Variants in TEX14 observed in about 807,000 individuals in gnomAD.
The protein encoded by TEX14 is inactive serine/threonine-protein kinase TEX14.
In TEX14, 168 loss-of-function variants were observed where a neutral mutation model predicts 178.6. The ratio of observed to expected loss-of-function variants is 0.94; its 90% CI spans 0.83 to 1.07. The LOEUF (loss-of-function observed/expected upper bound fraction) is 1.07, where lower values mean the gene tolerates loss of function less well. Among genes scored for constraint, TEX14 ranks in the 50% least tolerant of loss-of-function variants. The pLI, the probability that TEX14 is intolerant of heterozygous loss-of-function variation, is 0.00. For missense variants in TEX14, 1,730 were observed against 1,753.6 expected, an observed-to-expected ratio of 0.99 and a Z score of 0.24; for synonymous variants, 626 against 634.1, an observed-to-expected ratio of 0.99 and a Z score of 0.19.
chr17:58,663,287 C>T (rs1286456357), intron 1 of TEX14, among the ~76,000 whole-genome samples: 4 of 149,886 alleles, frequency 2.7e-5, no homozygotes, highest in African/African-American at 4.9e-5. Flanking sequence ...CCGGTTGTGG[C>T]GGTGCATGCC....
intron 28 of TEX14, among the ~76,000 whole-genome samples, chr17:58,563,668 G>A (rs1164945735): frequency 2.5e-4 from 6 of 24,018 alleles, no homozygotes; most frequent in Non-Finnish European, 4.3e-4. Flanking sequence ...TAGAGAGAGA[G>A]AGAGAGAGAG....
chr17:58,653,276 A>G (rs1364018297), intron 1 of TEX14, among the ~76,000 whole-genome samples: 1 of 152,182 alleles, frequency 6.6e-6, no homozygotes, highest in Admixed American at 6.5e-5. Flanking sequence ...AGTGCTTAGC[A>G]TAGTACCTGG....
intron 15 of TEX14, among the ~76,000 whole-genome samples, chr17:58,591,283 C>A (rs1258877057): frequency 6.6e-6 from 1 of 152,126 alleles, no homozygotes; most frequent in Non-Finnish European, 1.5e-5. Context: ...TTTGGGAGGC[C>A]AAGGTGGGTG....
intron 1 of TEX14, among the ~76,000 whole-genome samples, chr17:58,654,103 G>A (rs576758126): frequency 3.9e-5 from 6 of 152,182 alleles, no homozygotes; most frequent in East Asian, 3.9e-4. Context: ...GCGTGAACCC[G>A]GGAGGTGGAG....
chr17:58,670,771 T>TCAAAAAAAAAAAA lies in TEX14; in HGVS notation c.-1-18770_-1-18769insTTTTTTTTTTTTG, dbSNP rs1598432610. On this transcript the variant is annotated intron_variant, in intron 1 of 31. Coordinates refer to ENST00000349033, the MANE Select transcript of TEX14 (RefSeq NM_031272.5). ...CTGGGCGACAGAGTGAGACTCCCTC[T>TCAAAAAAAAAAAA]TAAAAAAAAAAAAAAAAAAAAAAAA... Among the ~76,000 whole-genome samples the TCAAAAAAAAAAAA allele has an allele frequency of 2.5e-4, 2 of 7,954 alleles. 1 individual carries two copies. 5.2% of individuals were successfully genotyped at this position (7,954 alleles called of 152,430 possible).
chr17:58,621,710 T>C lies in TEX14; in HGVS notation c.494A>G (p.Lys165Arg), dbSNP rs140659722. 1 of 1,614,076 alleles carries C rather than the reference T, an allele frequency of 6.2e-7. No individual in the cohort carries two copies. Among genetic ancestry groups the C allele is most frequent in the Non-Finnish European group, 8.5e-7 (1 of 1,180,034 alleles). ...GACAAGCCGCTGCGGGGAGTCTATC[T>C]TCTTCAGGAGGTCGTAAGAGAAGCC... ...IQGFSYDLLK[K>R]IDSPQRLVYS... is the part of the protein sequence containing the mutation. The change falls in exon 5 of 32, where the codon AAG becomes AGG. Residue 165 changes from lysine (K) to arginine (R), a missense_variant. Coordinates refer to ENST00000349033, the MANE Select transcript of TEX14 (RefSeq NM_031272.5).
At chr17:58,647,756 G>A (rs1567757051) in intron 2 of TEX14, among the ~76,000 whole-genome samples, 1 of 151,872 alleles carries the variant, frequency 6.6e-6, no homozygotes, top group African/African-American at 2.4e-5. Context: ...GTGCAGTGGT[G>A]CAACCTTGGC....
At chr17:58,578,917 G>A (rs563591407) in intron 20 of TEX14, among the ~76,000 whole-genome samples, 3 of 152,324 alleles carry the variant, frequency 2.0e-5, no homozygotes, top group South Asian at 2.1e-4. Context: ...GGGTTTAGAC[G>A]GTTGAGACAT....
intron 21 of TEX14, among the ~76,000 whole-genome samples, chr17:58,574,648 T>C (rs1796361519): frequency 9.0e-6 from 1 of 111,248 alleles, no homozygotes; most frequent in Admixed American, 1.4e-4. Flanking sequence ...CACTCCAGCC[T>C]GGGCAGCAAG....
At chr17:58,688,816 T>G (rs887722228) in intron 1 of TEX14, among the ~76,000 whole-genome samples, 16 of 151,860 alleles carry the variant, frequency 1.1e-4, no homozygotes, top group Admixed American at 7.2e-4. Flanking sequence ...CCGGGGGGGG[T>G]TTGGGAGATT....
At chr17:58,662,415 T>TCTCACA (rs376916506) in intron 1 of TEX14, among the ~76,000 whole-genome samples, 2 of 114,996 alleles carry the variant, frequency 1.7e-5, no homozygotes, top group African/African-American at 5.5e-5. Flanking sequence ...CACACATATC[T>TCTCACA]CACACACACA....
chr17:58,606,737 A>T (rs2045615787), intron 10 of TEX14, among the ~76,000 whole-genome samples: 1 of 151,892 alleles, frequency 6.6e-6, no homozygotes, highest in South Asian at 2.1e-4. Context: ...CCATCTTAAA[A>T]AAAAAAAGGG....
chr17:58,630,532 G>A lies in TEX14; in HGVS notation c.159C>T (p.Asn53=). 6.2e-7 allele frequency: 1 copy of A among 1,613,618 alleles called. No homozygotes were observed. Among genetic ancestry groups the A allele is most frequent in the Non-Finnish European group, 8.5e-7 (1 of 1,179,620 alleles). Residue 53 remains asparagine, a synonymous_variant, in exon 3 of 32, where the codon AAC becomes AAT. Transcript: ENST00000349033. ...CAAAAAGTGCTGTTTGGCCCAAGGA[G>A]TTAACTGCATCAACATAAATTCCTG... ...LKKGIYVDAV[N]SLGQTALFVA...
In TEX14 at chr17:58,681,439, T is replaced by C. The variant is rs551414229; in HGVS notation, c.-2+10500A>G. Reference sequence around the variant, plus strand: ...TCTGACAGTCTATCAGTTTTATTTTTATATACTTTCCTTTTCAAAGAAGTA... The same window carrying C: ...TCTGACAGTCTATCAGTTTTATTTTCATATACTTTCCTTTTCAAAGAAGTA... On this transcript the variant is annotated intron_variant, in intron 1 of 31. Transcript: ENST00000349033. Among the ~76,000 whole-genome samples, 81 of 152,284 alleles carry C rather than the reference T, an allele frequency of 5.3e-4. 1 individual carries two copies. The highest frequency in any genetic ancestry group is 1.9e-3 in the African/African-American group (78 of 41,564).
intron 2 of TEX14, 53 bp downstream of exon 2, chr17:58,651,813 G>A (rs1253457033): frequency 1.7e-5 from 25 of 1,489,174 alleles, no homozygotes; most frequent in Non-Finnish European, 2.3e-5. Flanking sequence ...TCCTCTGAAC[G>A]CTATTCAGAA....
In TEX14 at chr17:58,585,854, T is replaced by C. The variant is rs1245408331; in HGVS notation, c.3017A>G (p.Asn1006Ser). The C allele has an allele frequency of 3.7e-6, 6 of 1,614,082 alleles. No homozygotes were observed. Among genetic ancestry groups the C allele is most frequent in the South Asian group, 1.1e-5 (1 of 91,074 alleles). ...GNGKFDKTGN[N>S]DCDSDQHGRQ... Reference sequence around the variant, plus strand: ...GCCATGCTGGTCACTGTCACAGTCATTGTTGCCCGTCTTGTCAAACTTGCC... The same window carrying C: ...GCCATGCTGGTCACTGTCACAGTCACTGTTGCCCGTCTTGTCAAACTTGCC... The change falls in exon 18 of 32, where the codon AAT becomes AGT. Residue 1006 changes from asparagine to serine, a missense_variant. Physicochemically the swap from Asn to Ser is conservative, Grantham distance 46. Coordinates refer to ENST00000349033, the MANE Select transcript of TEX14 (RefSeq NM_031272.5).
chr17:58,615,297 G>A lies in TEX14; in HGVS notation c.816C>T (p.Pro272=). ...GCAGCCTGCTGCAGTGTGGGTGGGT[G>A]GGGAGATTCAGCTCTTTCACTGTGA... ...SRVTVKELNL[P]THPHCSRLRL... is the part of the protein sequence containing the mutation. Residue 272 remains proline (P), a synonymous_variant, in exon 8 of 32, where the codon CCC becomes CCT. Transcript: ENST00000349033. The A allele has an allele frequency of 6.2e-7, 1 of 1,613,518 alleles. No individual in the cohort carries two copies. The highest frequency in any genetic ancestry group is 8.5e-7 in the Non-Finnish European group (1 of 1,179,526).
intron 17 of TEX14, among the ~76,000 whole-genome samples, chr17:58,586,461 A>C (rs2044977066): frequency 1.3e-5 from 2 of 152,176 alleles, no homozygotes; most frequent in African/African-American, 4.8e-5. Context: ...TCCAGACTAC[A>C]CTGAGCTCAT....
intron 1 of TEX14, among the ~76,000 whole-genome samples, chr17:58,656,933 A>G (rs2046980755): frequency 6.9e-6 from 1 of 145,592 alleles, no homozygotes; most frequent in African/African-American, 2.5e-5. Context: ...CACAAAAAAA[A>G]AAAAAAAAAA....
Sources: allele counts gnomAD v4.1 joint callset (sites outside exome capture counted in the v4.1 genomes callset), GRCh38; gene constraint gnomAD v4.1.1; transcripts MANE v1.5; gene names NCBI Gene and HGNC (gene_info 2026-07-23, HGNC 2026-07-21).